DPYD: variants seen among roughly 807,000 people sequenced by gnomAD.
DPYD encodes dihydropyrimidine dehydrogenase, also known as dihydropyrimidine dehydrogenase [NADP(+)].
A neutral mutation model predicts 116.2 loss-of-function variants in DPYD; 109 were observed. That is an observed-to-expected ratio of 0.94 (90% CI 0.80 to 1.10). The LOEUF (loss-of-function observed/expected upper bound fraction) is 1.10. DPYD is among the 50% of genes least tolerant of loss of function. The pLI, the probability that DPYD is intolerant of heterozygous loss-of-function variation, is 0.00. For missense variants in DPYD, 1,302 were observed against 1,254.5 expected (o/e 1.04, Z -0.57); for synonymous variants, 440 against 432.0 (o/e 1.02, Z -0.23).
Position 97,828,133 on chromosome 1 carries a change from C to T in DPYD, c.214G>A (p.Ala72Thr), listed in dbSNP as rs1571426976. The T allele has an allele frequency of 1.2e-6, 2 of 1,613,742 alleles. No individual in the cohort carries two copies. The highest frequency in any genetic ancestry group is 1.7e-6 in the Non-Finnish European group (2 of 1,179,828). ...ACTTACCTCATTGCTTCTCGGAGAG[C>T]TCCTCGCTCACCAAGAGTCGTGTGC... is the stretch of plus-strand genomic sequence containing the variant. Reference protein sequence around the residue: ...IKHTTLGERGALREAMRCLKC... With the variant: ...IKHTTLGERGTLREAMRCLKC... The change falls in exon 3 of 23, where the codon GCT becomes ACT. Residue 72 changes from alanine to threonine, a missense_variant. Ala to Thr is a moderately conservative substitution (Grantham distance 58, BLOSUM62 0). Transcript: ENST00000370192.
At chr1:97,889,645 A>G (rs1571537220) in intron 1 of DPYD, among the ~76,000 whole-genome samples, 1 of 152,114 alleles carries the variant, frequency 6.6e-6, no homozygotes, top group East Asian at 1.9e-4. Flanking sequence ...ACAAATCTTT[A>G]AACAATACTA....
chr1:97,739,409 C>A (rs1330875098), intron 4 of DPYD, among the ~76,000 whole-genome samples: 1 of 152,048 alleles, frequency 6.6e-6, no homozygotes, highest in Non-Finnish European at 1.5e-5. Context: ...AAAATTCAAA[C>A]CAGACTTCAA....
intron 16 of DPYD, among the ~76,000 whole-genome samples, chr1:97,355,831 T>C (rs980238650): frequency 6.6e-6 from 1 of 152,200 alleles, no homozygotes; most frequent in Non-Finnish European, 1.5e-5. Flanking sequence ...CATCTGCTGA[T>C]AGACACTTAG....
At chr1:97,657,072 A>T (rs1658962166) in intron 8 of DPYD, among the ~76,000 whole-genome samples, 1 of 150,654 alleles carries the variant, frequency 6.6e-6, no homozygotes, top group South Asian at 2.1e-4. Context: ...GGTTCAAGCG[A>T]TTCTCCTGCC....
intron 2 of DPYD, among the ~76,000 whole-genome samples, chr1:97,838,549 A>G (rs559438299): frequency 4.1e-4 from 63 of 152,350 alleles, no homozygotes; most frequent in Non-Finnish European, 4.4e-4. Context: ...ATGTAACTTA[A>G]AAATAAAAGA....
At chr1:97,483,363 A>T (rs1678429323) in intron 13 of DPYD, among the ~76,000 whole-genome samples, 1 of 152,186 alleles carries the variant, frequency 6.6e-6, no homozygotes, top group Non-Finnish European at 1.5e-5. Flanking sequence ...AAATGTATTT[A>T]TCTGCCCTTG....
intron 12 of DPYD, among the ~76,000 whole-genome samples, chr1:97,529,928 C>G (rs1649470312): frequency 7.1e-6 from 1 of 141,276 alleles, no homozygotes. Flanking sequence ...CTTTCTCTTT[C>G]TTTCCTTCTT....
intron 1 of DPYD, 125 bp downstream of exon 1, chr1:97,920,759 G>T (rs895167324): frequency 7.3e-7 from 1 of 1,363,924 alleles, no homozygotes; most frequent in East Asian, 2.5e-5. Flanking sequence ...GAGCTCCCAC[G>T]GGGGAAACTT....
intron 1 of DPYD, among the ~76,000 whole-genome samples, chr1:97,902,667 T>C (rs1005921842): frequency 3.3e-5 from 5 of 151,886 alleles, no homozygotes; most frequent in African/African-American, 1.2e-4. Flanking sequence ...GAAAATAAAT[T>C]AAAAGCAGGG....
At chr1:97,697,690 T>C (rs1192509022) in intron 6 of DPYD, among the ~76,000 whole-genome samples, 2 of 151,972 alleles carry the variant, frequency 1.3e-5, no homozygotes, top group East Asian at 1.9e-4. Flanking sequence ...ACTAAAAAAA[T>C]GTTCAGCAAA....
chr1:97,567,027 C>T (rs1482972457), intron 11 of DPYD, among the ~76,000 whole-genome samples: 2 of 152,100 alleles, frequency 1.3e-5, no homozygotes, highest in Non-Finnish European at 2.9e-5. Context: ...TAGGCTCTTC[C>T]CAACACTTAA....
At chr1:97,246,395 A>C (rs966256375) in intron 18 of DPYD, among the ~76,000 whole-genome samples, 5 of 152,088 alleles carry the variant, frequency 3.3e-5, no homozygotes, top group Non-Finnish European at 7.4e-5. Context: ...GCTGAAACTT[A>C]GAAGACAAGG....
At chr1:97,724,298 GGGGGGGGGGGTGTGTGTGTGT>G (rs1490975896) in intron 4 of DPYD, among the ~76,000 whole-genome samples, 12 of 18,696 alleles carry the variant, frequency 6.4e-4, no homozygotes, top group African/African-American at 2.0e-3. Context: ...GTATGTGGGG[GGGGGGGGGGGTGTGTGTGTGT>G]GTGTGTGTGT....
chr1:97,264,590 C>T (rs1664111478), intron 18 of DPYD, among the ~76,000 whole-genome samples: 1 of 152,112 alleles, frequency 6.6e-6, no homozygotes, highest in African/African-American at 2.4e-5. Flanking sequence ...GCATAAGCCA[C>T]ATCCCTAAAT....
intron 18 of DPYD, among the ~76,000 whole-genome samples, chr1:97,246,945 A>G (rs1482798116): frequency 6.6e-6 from 1 of 152,188 alleles, no homozygotes; most frequent in African/African-American, 2.4e-5. Flanking sequence ...GGGACACTAA[A>G]GAGAATCTGT....
At chr1:97,786,059 T>C (rs1270278664) in intron 3 of DPYD, among the ~76,000 whole-genome samples, 1 of 149,812 alleles carries the variant, frequency 6.7e-6, no homozygotes, top group African/African-American at 2.5e-5. Flanking sequence ...GTCAACGATA[T>C]GCCTCAGCCA....
At position 97,607,569 on chromosome 1, in the gene DPYD, C is replaced by T. The variant is rs151173246; in HGVS notation, c.851-12403G>A. 4.6e-5 allele frequency among the ~76,000 whole-genome samples: 7 copies of T among 151,384 alleles called. 1 individual carries two copies. The highest frequency in any genetic ancestry group is 3.4e-3 in the Middle Eastern group (1 of 294). ...CTAATGAGCATTAATCCAGGGAGAGCGTATACAATAATCAGAAGAGAAGGC... is the reference window on the plus strand; with the variant it reads ...CTAATGAGCATTAATCCAGGGAGAGTGTATACAATAATCAGAAGAGAAGGC... On this transcript the variant is annotated intron_variant, in intron 8 of 22. Coordinates refer to ENST00000370192, the MANE Select transcript of DPYD (RefSeq NM_000110.4).
intron 11 of DPYD, among the ~76,000 whole-genome samples, chr1:97,572,615 C>T (rs1570982021): frequency 6.6e-6 from 1 of 152,004 alleles, no homozygotes; most frequent in East Asian, 1.9e-4. Context: ...CTTTATATAT[C>T]ATTCTTTTTT....
chr1:97,623,544 A>G (rs948860750), intron 8 of DPYD, among the ~76,000 whole-genome samples: 3 of 152,002 alleles, frequency 2.0e-5, no homozygotes, highest in Admixed American at 2.0e-4. Context: ...TAATGAAAAT[A>G]ACTACTGACA....
Sources: allele counts gnomAD v4.1 joint callset (sites outside exome capture counted in the v4.1 genomes callset), GRCh38; gene constraint gnomAD v4.1.1; transcripts MANE v1.5; gene names NCBI Gene and HGNC (gene_info 2026-07-23, HGNC 2026-07-21).